Variants in SH3GL2 observed in about 807,000 individuals in gnomAD.
SH3GL2 encodes endophilin-A1.
Under a neutral mutation model 46.0 loss-of-function variants are expected in SH3GL2, and 24 were observed. The ratio of observed to expected loss-of-function variants is 0.52; its 90% CI spans 0.38 to 0.73. SH3GL2 has a LOEUF of 0.73. SH3GL2 is among the 30% of genes least tolerant of loss of function. The probability of loss-of-function intolerance (pLI) is 0.00; values close to 1 mark genes in which losing one functional copy is unlikely to be tolerated. For missense variants in SH3GL2, 413 were observed against 424.2 expected, an observed-to-expected ratio of 0.97 and a Z score of 0.23; for synonymous variants, 196 against 147.1, an observed-to-expected ratio of 1.33 and a Z score of -2.40.
intron 1 of SH3GL2, among the ~76,000 whole-genome samples, chr9:17,647,638 A>G (rs1274361061): frequency 6.6e-6 from 1 of 152,220 alleles, no homozygotes; most frequent in South Asian, 2.1e-4. Context: ...TTGGTACCAC[A>G]GAATACTACT....
chr9:17,600,868 G>C (rs530348303), intron 1 of SH3GL2, among the ~76,000 whole-genome samples: 1 of 152,274 alleles, frequency 6.6e-6, no homozygotes, highest in Middle Eastern at 3.4e-3. Flanking sequence ...ATTTATGTAG[G>C]TGAAAAATAC....
At chr9:17,779,406 C>A (rs147191536) in intron 3 of SH3GL2, among the ~76,000 whole-genome samples, 19 of 152,194 alleles carry the variant, frequency 1.2e-4, no homozygotes, top group Admixed American at 5.2e-4. Flanking sequence ...GTGGCTCAGA[C>A]CTGAGCCTGA....
intron 1 of SH3GL2, among the ~76,000 whole-genome samples, chr9:17,636,547 T>C (rs1231757115): frequency 6.6e-6 from 1 of 152,200 alleles, no homozygotes; most frequent in Non-Finnish European, 1.5e-5. Context: ...CAGTACAACT[T>C]CCAGCAGTGT....
At chr9:17,739,141 C>G (rs1175649408) in intron 1 of SH3GL2, among the ~76,000 whole-genome samples, 4 of 152,184 alleles carry the variant, frequency 2.6e-5, no homozygotes, top group African/African-American at 7.2e-5. Flanking sequence ...TTTCAATTCA[C>G]AAAACTGGTT....
intron 3 of SH3GL2, among the ~76,000 whole-genome samples, chr9:17,765,960 G>A (rs1823306006): frequency 1.3e-5 from 2 of 152,328 alleles, no homozygotes; most frequent in Non-Finnish European, 2.9e-5. Flanking sequence ...AATACAAAAA[G>A]TAGGAGGAAA....
intron 1 of SH3GL2, among the ~76,000 whole-genome samples, chr9:17,721,888 C>T (rs1301514149): frequency 6.6e-6 from 1 of 152,000 alleles, no homozygotes; most frequent in Non-Finnish European, 1.5e-5. Context: ...CTAATATAAC[C>T]ACTAATAGGA....
intron 1 of SH3GL2, among the ~76,000 whole-genome samples, chr9:17,745,961 G>C (rs1394788056): frequency 2.6e-5 from 4 of 152,192 alleles, no homozygotes; most frequent in African/African-American, 9.6e-5. Flanking sequence ...GAATGAAAAG[G>C]TCTTCGTGCC....
At chr9:17,656,479 T>A (rs570046278) in intron 1 of SH3GL2, among the ~76,000 whole-genome samples, 1 of 152,196 alleles carries the variant, frequency 6.6e-6, no homozygotes, top group Non-Finnish European at 1.5e-5. Flanking sequence ...ACGTAGATAA[T>A]CTTGCCTGTA....
intron 1 of SH3GL2, among the ~76,000 whole-genome samples, chr9:17,728,250 G>A (rs1403557181): frequency 6.6e-6 from 1 of 151,962 alleles, no homozygotes; most frequent in African/African-American, 2.4e-5. Flanking sequence ...ATCATATCCT[G>A]AGGAAAATTG....
intron 1 of SH3GL2, among the ~76,000 whole-genome samples, chr9:17,677,278 A>G (rs958552026): frequency 6.6e-6 from 1 of 152,100 alleles, no homozygotes; most frequent in Admixed American, 6.5e-5. Context: ...TTCACTGTAT[A>G]ATCTTGTTTG....
chr9:17,631,585 C>G lies in SH3GL2; in HGVS notation c.45+52298C>G, dbSNP rs560901090. On this transcript the variant is annotated intron_variant, in intron 1 of 8. Coordinates refer to ENST00000380607, the MANE Select transcript of SH3GL2 (RefSeq NM_003026.5). ...AGCCCATCATACTGGATGTTCACAT[C>G]AGCTGGGCTGTATGACAATGTTGGT... Among the ~76,000 whole-genome samples the G allele has an allele frequency of 1.4e-4, 22 of 152,290 alleles. No individual in the cohort carries two copies. In the East Asian group the frequency reaches 3.5e-3, roughly 24 times the overall value.
At chr9:17,755,705 A>G (rs1344063574) in intron 2 of SH3GL2, 8 of 799,810 alleles carry the variant, frequency 1.0e-5, no homozygotes, top group South Asian at 5.7e-5. Flanking sequence ...AGCATCTGGT[A>G]TAATGTGGTA....
chr9:17,630,282 G>A (rs1318384729), intron 1 of SH3GL2: 1 of 152,184 alleles, frequency 6.6e-6, no homozygotes, highest in Non-Finnish European at 1.5e-5. Context: ...AATGAATGGT[G>A]CTAATAATAA....
At chr9:17,781,988 C>A (rs953080973) in intron 3 of SH3GL2, among the ~76,000 whole-genome samples, 4 of 152,150 alleles carry the variant, frequency 2.6e-5, no homozygotes, top group African/African-American at 9.7e-5. Flanking sequence ...TTTTTAAGAG[C>A]AGAGGCTGCA....
intron 1 of SH3GL2, among the ~76,000 whole-genome samples, chr9:17,697,382 C>A (rs1821230750): frequency 6.6e-6 from 1 of 151,094 alleles, no homozygotes; most frequent in Admixed American, 6.6e-5. Context: ...CGCCACCATG[C>A]CTGGCTAATT....
intron 1 of SH3GL2, among the ~76,000 whole-genome samples, chr9:17,642,000 C>G (rs1368357619): frequency 6.6e-6 from 1 of 152,088 alleles, no homozygotes; most frequent in Non-Finnish European, 1.5e-5. Flanking sequence ...GTTCTAGATC[C>G]TTGAGGAATC....
intron 1 of SH3GL2, among the ~76,000 whole-genome samples, chr9:17,666,168 A>C (rs1316615614): frequency 6.6e-6 from 1 of 151,898 alleles, no homozygotes; most frequent in Non-Finnish European, 1.5e-5. Flanking sequence ...GTATGTAGTC[A>C]AAGTACTGCA....
chr9:17,754,630 G>A lies in SH3GL2; in HGVS notation c.115-6807G>A, dbSNP rs142900749. On this transcript the variant is annotated intron_variant, in intron 2 of 8. Coordinates refer to ENST00000380607, the MANE Select transcript of SH3GL2 (RefSeq NM_003026.5). ...GGAGCTTGCAGTGAGCCGAGATCAC[G>A]CCACTGTACTCCAGCCTGGGCGGCA... Among the ~76,000 whole-genome samples the A allele has an allele frequency of 2.7e-3, 410 of 152,220 alleles. 4 individuals are homozygous for A. Among genetic ancestry groups the A allele is most frequent in the African/African-American group, 9.5e-3 (394 of 41,510 alleles).
Position 17,630,486 on chromosome 9 carries a change from A to G in SH3GL2, c.45+51199A>G, listed in dbSNP as rs138674752. On this transcript the variant is annotated intron_variant, in intron 1 of 8. Coordinates refer to ENST00000380607, the MANE Select transcript of SH3GL2 (RefSeq NM_003026.5). The stretch of plus-strand genomic sequence containing the variant: ...CACACACCCTACTCCGTTTGTTGGA[A>G]GCCTGCAAGTGATCACGCGTATCAA... The G allele has an allele frequency of 3.9e-5, 6 of 152,342 alleles. No homozygotes were observed. The East Asian group carries it at 1.2e-3, about 29-fold the overall frequency. 9.4% of individuals were successfully genotyped at this position (152,342 alleles called of 1,614,324 possible).
Sources: allele counts gnomAD v4.1 joint callset (sites outside exome capture counted in the v4.1 genomes callset), GRCh38; gene constraint gnomAD v4.1.1; transcripts MANE v1.5; gene names NCBI Gene and HGNC (gene_info 2026-07-23, HGNC 2026-07-21).